The following MGAM2 variants were observed in gnomAD, a reference collection of about 807,000 sequenced individuals.
The protein encoded by MGAM2 is probable maltase-glucoamylase 2.
Under a neutral mutation model 96.1 loss-of-function variants are expected in MGAM2, and 98 were observed. The ratio of observed to expected loss-of-function variants is 1.02; its 90% CI spans 0.87 to 1.21. The LOEUF (loss-of-function observed/expected upper bound fraction) is 1.21. Ranked by LOEUF, MGAM2 falls within the 50% of genes most tolerant of loss-of-function variation. MGAM2 has a pLI of 0.00. For missense variants in MGAM2, 2,055 were observed against 1,182.4 expected (o/e 1.74, Z -10.82); for synonymous variants, 749 against 414.8 (o/e 1.81, Z -9.79).
intron 32 of MGAM2, among the ~76,000 whole-genome samples, chr7:142,179,223 C>A (rs1796466826): frequency 6.6e-6 from 1 of 152,156 alleles, no homozygotes; most frequent in Non-Finnish European, 1.5e-5. Flanking sequence ...TGAAACTTTA[C>A]TGAAGTTGTT....
chr7:142,187,611 G>A (rs2129096543), intron 35 of MGAM2, 139 bp from the exon 36 acceptor site: 1 of 569,478 alleles, frequency 1.8e-6, no homozygotes, highest in South Asian at 2.2e-5. Flanking sequence ...TTGGGTCAGT[G>A]CCAGGAATTA....
chr7:142,173,125 C>T (rs1465197792), intron 30 of MGAM2, 104 bp from the exon 31 acceptor site: 2 of 631,766 alleles, frequency 3.2e-6, no homozygotes, highest in South Asian at 1.8e-5. Context: ...GGTGAGGCCT[C>T]TTATACAGTA....
intron 32 of MGAM2, 136 bp from the exon 33 acceptor site, chr7:142,183,130 T>A: frequency 2.1e-6 from 1 of 471,492 alleles, no homozygotes; most frequent in Non-Finnish European, 3.8e-6. Flanking sequence ...TATCAATGAT[T>A]TTTATTTTAT....
chr7:142,131,920 T>C lies in MGAM2; in HGVS notation c.421-11T>C, dbSNP rs1794900270. On this transcript the variant is annotated splice_polypyrimidine_tract_variant and intron_variant, in intron 5 of 47. Transcript: ENST00000477922. Reference sequence around the variant, plus strand: ...TATCTGCAGTTGTCCCTTCTGTTTTTCTTTTGACAGATCACTGACTTTAAT... The same window carrying C: ...TATCTGCAGTTGTCCCTTCTGTTTTCCTTTTGACAGATCACTGACTTTAAT... The C allele has an allele frequency of 1.4e-6, 1 of 699,702 alleles. No individual in the cohort carries two copies. Among genetic ancestry groups the C allele is most frequent in the South Asian group, 1.5e-5 (1 of 67,000 alleles). 43.3% of individuals were successfully genotyped at this position (699,702 alleles called of 1,614,324 possible). A position where few individuals can be genotyped will look rare whatever the true frequency, so the allele number is the denominator to read the frequency against.
chr7:142,206,690 T>C (rs1797411508), intron 45 of MGAM2, among the ~76,000 whole-genome samples: 1 of 152,252 alleles, frequency 6.6e-6, no homozygotes, highest in South Asian at 2.1e-4. Flanking sequence ...TAAAAATTAA[T>C]AGTACCTGAA....
intron 8 of MGAM2, 80 bp from the exon 9 acceptor site, chr7:142,137,353 G>A (rs1475329646): frequency 7.1e-6 from 4 of 566,690 alleles, no homozygotes; most frequent in Non-Finnish European, 1.3e-5. Context: ...ACTCTTTTAG[G>A]TGGCTCAACT....
At chr7:142,176,108 A>AAAAAAAG (rs1554509686) in intron 32 of MGAM2, among the ~76,000 whole-genome samples, 3 of 114,852 alleles carry the variant, frequency 2.6e-5, no homozygotes, top group Non-Finnish European at 5.4e-5. Flanking sequence ...AAAAAAAAAA[A>AAAAAAAG]GGGGGGGGCA....
chr7:142,149,760 C>T (rs559253689), intron 15 of MGAM2, among the ~76,000 whole-genome samples: 2 of 151,784 alleles, frequency 1.3e-5, no homozygotes, highest in African/African-American at 4.8e-5. Flanking sequence ...CCAGGATGGT[C>T]TCCATCTCCT....
intron 32 of MGAM2, among the ~76,000 whole-genome samples, chr7:142,176,413 G>A (rs4602797): frequency 0.19 from 28,775 of 152,056 alleles, 3,012 homozygotes; most frequent in East Asian, 0.34. Context: ...ACTAATTCAC[G>A]TATTTATTGA....
rs963619682 is a variant in MGAM2, at chr7:142,196,852, C to T, written c.4632+36C>T. ...AGTTCGTGCTCCAGGTGTTGTGTAC[C>T]CTCAAATCATAACTTCTTTTTAACC... On this transcript the variant is annotated intron_variant, in intron 40 of 47. Transcript: ENST00000477922. 10 of 748,814 alleles carry T rather than the reference C, an allele frequency of 1.3e-5. No homozygotes were observed. The Admixed American group carries it at 1.7e-4, about 12-fold the overall frequency. The allele number at this position is 748,814 out of a possible 1,614,324, so 46.4% of individuals were successfully genotyped here.
At chr7:142,155,481 AT>A (rs1795708634) in intron 17 of MGAM2, among the ~76,000 whole-genome samples, 1 of 152,192 alleles carries the variant, frequency 6.6e-6, no homozygotes, top group Non-Finnish European at 1.5e-5. Context: ...AAGTTGAAAT[AT>A]TTCCAATTGA....
At chr7:142,121,308 GCTGGGATTACAGGCAC>G (rs1794567849) in intron 3 of MGAM2, among the ~76,000 whole-genome samples, 1 of 149,444 alleles carries the variant, frequency 6.7e-6, no homozygotes, top group South Asian at 2.1e-4. Context: ...CTCCCGAGGA[GCTGGGATTACAGGCAC>G]CTGCCACCAT....
At chr7:142,143,923 A>AATC (rs770681906) in intron 13 of MGAM2, 41 bp downstream of exon 13, 1 of 699,478 alleles carries the variant, frequency 1.4e-6, no homozygotes. Context: ...TTGGAAACAG[A>AATC]TAACGCCAAA....
At chr7:142,156,372 C>T (rs566580880) in intron 17 of MGAM2, among the ~76,000 whole-genome samples, 1 of 152,174 alleles carries the variant, frequency 6.6e-6, no homozygotes, top group African/African-American at 2.4e-5. Context: ...TGTAGCATAT[C>T]GCAATTTGTA....
chr7:142,208,346 G>T, intron 45 of MGAM2: 1 of 640,614 alleles, frequency 1.6e-6, no homozygotes, highest in Non-Finnish European at 2.9e-6. Context: ...TCTTGCATTT[G>T]TAACCTTCTG....
At chr7:142,162,699 TA>T (rs922975232) in intron 23 of MGAM2, among the ~76,000 whole-genome samples, 5 of 151,308 alleles carry the variant, frequency 3.3e-5, no homozygotes, top group South Asian at 2.1e-4. Context: ...ATATAAGGTA[TA>T]AAAAATATAT....
At position 142,120,073 on chromosome 7, in the gene MGAM2, C is replaced by T. The variant is rs1014125309; in HGVS notation, c.107-229C>T. The stretch of plus-strand genomic sequence containing the variant: ...ATATAAATTGTATCTGTTTAAAAAG[C>T]AAACAAAGTAGAAATAAACGTGTTT... On this transcript the variant is annotated intron_variant, in intron 2 of 47. Transcript: ENST00000477922. Among the ~76,000 whole-genome samples the T allele has an allele frequency of 2.6e-5, 4 of 151,858 alleles. No individual in the cohort carries two copies. In the South Asian group the frequency reaches 6.2e-4, roughly 24 times the overall value.
chr7:142,200,948 G>T (rs899679228), intron 45 of MGAM2, among the ~76,000 whole-genome samples: 2 of 148,546 alleles, frequency 1.3e-5, no homozygotes, highest in African/African-American at 5.0e-5. Context: ...CATAATGACA[G>T]AAACATGTGT....
At chr7:142,160,446 T>C (rs1795855173) in intron 21 of MGAM2, among the ~76,000 whole-genome samples, 188 bp downstream of exon 21, 1 of 152,144 alleles carries the variant, frequency 6.6e-6, no homozygotes, top group African/African-American at 2.4e-5. Context: ...GATGGTAGTC[T>C]GCTAAGGACA....
Sources: allele counts gnomAD v4.1 joint callset (sites outside exome capture counted in the v4.1 genomes callset), GRCh38; gene constraint gnomAD v4.1.1; transcripts MANE v1.5; gene names NCBI Gene and HGNC (gene_info 2026-07-23, HGNC 2026-07-21).